The following PLEKHM3 variants were observed in gnomAD, a reference collection of about 807,000 sequenced individuals.
PLEKHM3 encodes pleckstrin homology domain-containing family M member 3.
In PLEKHM3, 45 loss-of-function variants were observed where a neutral mutation model predicts 81.8. That is an observed-to-expected ratio of 0.55 (90% confidence interval 0.43 to 0.71). The LOEUF (loss-of-function observed/expected upper bound fraction) is 0.71. PLEKHM3 is among the 30% of genes least tolerant of loss of function. The pLI, the probability that PLEKHM3 is intolerant of heterozygous loss-of-function variation, is 0.00. For missense variants in PLEKHM3, 788 were observed against 924.3 expected (o/e 0.85, Z 1.91); for synonymous variants, 352 against 356.4 (o/e 0.99, Z 0.14).
intron 7 of PLEKHM3, chr2:207,851,126 C>T (rs139276784): frequency 1.3e-3 from 156 of 121,770 alleles, no homozygotes; most frequent in African/African-American, 4.7e-3. Flanking sequence ...GCACTCCAGC[C>T]TGGTGACGGA....
chr2:207,873,789 A>C (rs2092546775), intron 6 of PLEKHM3, among the ~76,000 whole-genome samples: 1 of 152,176 alleles, frequency 6.6e-6, no homozygotes. Flanking sequence ...TCGGGATGTA[A>C]AGTACAATAT....
intron 7 of PLEKHM3, among the ~76,000 whole-genome samples, chr2:207,855,708 G>A (rs777340572): frequency 2.6e-5 from 4 of 152,008 alleles, no homozygotes; most frequent in East Asian, 1.9e-4. Context: ...CCATAAAACC[G>A]ACTCCACACA....
chr2:208,012,456 C>G (rs1277645855), intron 1 of PLEKHM3, among the ~76,000 whole-genome samples: 1 of 152,200 alleles, frequency 6.6e-6, no homozygotes, highest in Non-Finnish European at 1.5e-5. Context: ...TGTCTAATTA[C>G]TGAGTACTTT....
chr2:207,883,511 G>T (rs1454675167), intron 6 of PLEKHM3, among the ~76,000 whole-genome samples: 1 of 152,220 alleles, frequency 6.6e-6, no homozygotes, highest in African/African-American at 2.4e-5. Context: ...AGTCTCACTT[G>T]AGAATAAGAA....
At chr2:207,863,226 A>C (rs1383692006) in intron 6 of PLEKHM3, among the ~76,000 whole-genome samples, 1 of 152,222 alleles carries the variant, frequency 6.6e-6, no homozygotes, top group Non-Finnish European at 1.5e-5. Flanking sequence ...TTATGAGTGG[A>C]AAATGAACCT....
At chr2:207,911,457 T>C (rs537752831) in intron 5 of PLEKHM3, among the ~76,000 whole-genome samples, 65 of 152,286 alleles carry the variant, frequency 4.3e-4, no homozygotes, top group African/African-American at 1.5e-3. Context: ...AAATAAGAAA[T>C]CGACATTATG....
intron 7 of PLEKHM3, among the ~76,000 whole-genome samples, chr2:207,844,965 G>T (rs6744139): frequency 0.64 from 97,956 of 152,036 alleles, 32,139 homozygotes; most frequent in African/African-American, 0.73. Flanking sequence ...ACAAAGGTTC[G>T]ATGCTCTAGT....
chr2:207,971,490 C>T (rs907933781), intron 3 of PLEKHM3, among the ~76,000 whole-genome samples: 2 of 151,458 alleles, frequency 1.3e-5, no homozygotes, highest in African/African-American at 4.9e-5. Context: ...GATCTGATCA[C>T]TATACATATG....
intron 6 of PLEKHM3, among the ~76,000 whole-genome samples, chr2:207,894,945 C>A (rs931643583): frequency 5.7e-4 from 87 of 152,000 alleles, no homozygotes; most frequent in African/African-American, 2.0e-3. Context: ...TTATATAGGG[C>A]TATTGTGTGG....
At chr2:207,973,075 T>G (rs947366638) in intron 3 of PLEKHM3, among the ~76,000 whole-genome samples, 1 of 152,242 alleles carries the variant, frequency 6.6e-6, no homozygotes, top group African/African-American at 2.4e-5. Context: ...ATACAGTGAA[T>G]TAGCCTCTCC....
intron 3 of PLEKHM3, among the ~76,000 whole-genome samples, chr2:207,953,517 G>A (rs902392998): frequency 3.9e-5 from 6 of 152,100 alleles, no homozygotes; most frequent in Non-Finnish European, 8.8e-5. Context: ...TGCACAAGCC[G>A]GGTGTGGTGG....
intron 5 of PLEKHM3, among the ~76,000 whole-genome samples, chr2:207,926,333 G>T (rs1159220512): frequency 6.6e-6 from 1 of 152,116 alleles, no homozygotes; most frequent in African/African-American, 2.4e-5. Context: ...ACTTTGTGGG[G>T]CCATCCCTGT....
At position 207,903,442 on chromosome 2, in the gene PLEKHM3, C is replaced by T. The variant is rs371145558; in HGVS notation, c.1950+5072G>A. Among the ~76,000 whole-genome samples the T allele has an allele frequency of 7.2e-5, 11 of 152,164 alleles. No individual in the cohort carries two copies. In the East Asian group the frequency reaches 1.5e-3, roughly 21 times the overall value. ...TCATCCAGTATCCTTTCTCATGAAT[C>T]GCCACAAATAGAATCATTCAATGCT... On this transcript the variant is annotated intron_variant, in intron 6 of 7. Transcript: ENST00000427836.
intron 5 of PLEKHM3, chr2:207,929,805 C>T: frequency 1.7e-6 from 1 of 599,128 alleles, no homozygotes; most frequent in Non-Finnish European, 3.0e-6. Flanking sequence ...TTTTTAGATG[C>T]CCGGGGTTAT....
At chr2:208,020,930 A>G (rs6740362) in intron 1 of PLEKHM3, among the ~76,000 whole-genome samples, 20,868 of 152,164 alleles carry the variant, frequency 0.14, 1,628 homozygotes, top group African/African-American at 0.18. Flanking sequence ...GAAACTGACT[A>G]GAGATAAAGA....
chr2:208,014,039 T>C (rs982868897), intron 1 of PLEKHM3, among the ~76,000 whole-genome samples: 1 of 152,146 alleles, frequency 6.6e-6, no homozygotes, highest in African/African-American at 2.4e-5. Flanking sequence ...AAAAGGTGAC[T>C]CACCTCTTGT....
intron 6 of PLEKHM3, chr2:207,870,038 C>T (rs1279611855): frequency 2.0e-5 from 3 of 152,162 alleles, no homozygotes; most frequent in Non-Finnish European, 4.4e-5. Context: ...TTCCCCAAAC[C>T]ACAGTTTCAG....
rs763402309 is a variant in PLEKHM3 at position 207,823,279 on chromosome 2, C to T, written c.*5040G>A. The T allele has an allele frequency of 6.6e-6, 1 of 151,674 alleles. No individual in the cohort carries two copies. 9.4% of individuals were successfully genotyped at this position (151,674 alleles called of 1,614,324 possible). On this transcript the variant is annotated 3_prime_UTR_variant, in exon 8 of 8. Coordinates refer to ENST00000427836, the MANE Select transcript of PLEKHM3 (RefSeq NM_001080475.3). ...CGGCCACTTTACGAAGACAGTGCCA[C>T]AAAACATGATCATTTGGAACTTACT...
At chr2:207,962,900 C>G (rs1023395760) in intron 3 of PLEKHM3, among the ~76,000 whole-genome samples, 1 of 138,868 alleles carries the variant, frequency 7.2e-6, no homozygotes, top group African/African-American at 2.6e-5. Context: ...AATAAAGGCT[C>G]TAAGAGGTCC....
Sources: allele counts gnomAD v4.1 joint callset (sites outside exome capture counted in the v4.1 genomes callset), GRCh38; gene constraint gnomAD v4.1.1; transcripts MANE v1.5; gene names NCBI Gene and HGNC (gene_info 2026-07-23, HGNC 2026-07-21).